DGKD: variants seen among roughly 807,000 people sequenced by gnomAD.
DGKD encodes diacylglycerol kinase delta, also known as DAG kinase delta.
A neutral mutation model predicts 154.4 loss-of-function variants in DGKD; 68 were observed. The observed-to-expected ratio is 0.44, with a 90% CI of 0.36 to 0.54. The LOEUF (loss-of-function observed/expected upper bound fraction) is 0.54, where lower values mean the gene tolerates loss of function less well. Ranked by LOEUF, DGKD falls within the 20% of genes least tolerant of loss-of-function variation. The pLI, the probability that DGKD is intolerant of heterozygous loss-of-function variation, is 0.00. For missense variants in DGKD, 1,343 were observed against 1,593.6 expected (o/e 0.84, Z 2.68); for synonymous variants, 693 against 638.0 (o/e 1.09, Z -1.30).
chr2:233,441,954 T>G lies in DGKD; in HGVS notation c.1153T>G (p.Trp385Gly). ...LVCGGDGSVG[W>G]VLSEIDSLNL... is the part of the protein sequence containing the mutation. The stretch of plus-strand genomic sequence containing the variant: ...TTGTGGCGGGGATGGAAGTGTTGGC[T>G]GGGTCCTCTCCGAAATCGACAGCCT... The change falls in exon 10 of 30, where the codon TGG becomes GGG. Residue 385 changes from tryptophan to glycine, a missense_variant. Transcript: ENST00000264057. The surrounding 1 kb of genome is among the most constrained non-coding windows in gnomAD (Gnocchi z 5.6). The G allele has an allele frequency of 6.2e-7, 1 of 1,614,192 alleles. No homozygotes were observed. Among genetic ancestry groups the G allele is most frequent in the Non-Finnish European group, 8.5e-7 (1 of 1,180,032 alleles).
intron 3 of DGKD, among the ~76,000 whole-genome samples, chr2:233,432,970 A>G (rs1046485464): frequency 1.3e-5 from 2 of 152,250 alleles, no homozygotes; most frequent in African/African-American, 2.4e-5. Flanking sequence ...TGTGGAGAAA[A>G]GGGAACCGTA....
At chr2:233,436,938 T>C (rs1469775698) in intron 7 of DGKD, among the ~76,000 whole-genome samples, 1 of 152,190 alleles carries the variant, frequency 6.6e-6, no homozygotes, top group Non-Finnish European at 1.5e-5. Context: ...GGAGCCTCCA[T>C]GTACTTGCTT....
intron 1 of DGKD, among the ~76,000 whole-genome samples, chr2:233,382,771 TC>T (rs139778707): frequency 0.015 from 2,287 of 152,330 alleles, 55 homozygotes; most frequent in African/African-American, 0.052. Flanking sequence ...ACTATATTTT[TC>T]CCTTTACCAT....
intron 3 of DGKD, among the ~76,000 whole-genome samples, chr2:233,400,162 T>TCAGAAG (rs2061523744): frequency 6.6e-6 from 1 of 152,206 alleles, no homozygotes. Flanking sequence ...GTGGCTGGTG[T>TCAGAAG]CAGAGTCTGT....
chr2:233,440,493 C>T lies in DGKD; in HGVS notation c.1086-1394C>T, dbSNP rs186298815. Among the ~76,000 whole-genome samples, 3 of 152,278 alleles carry T rather than the reference C, an allele frequency of 2.0e-5. No individual in the cohort carries two copies. Among genetic ancestry groups the T allele is most frequent in the East Asian group, 1.9e-4 (1 of 5,188 alleles). On this transcript the variant is annotated intron_variant, in intron 9 of 29. Coordinates refer to ENST00000264057, the MANE Select transcript of DGKD (RefSeq NM_152879.3). This position sits in a 1 kb window ranked among gnomAD's most constrained non-coding sequence, Gnocchi z 4.9. ...GGGTGACACAGCTTCTCTGGGAACCCGGTGGGGGCAGGGTCGCAAGTCAAA... is the reference window on the plus strand; with the variant it reads ...GGGTGACACAGCTTCTCTGGGAACCTGGTGGGGGCAGGGTCGCAAGTCAAA...
chr2:233,410,248 C>T (rs2061794335), intron 3 of DGKD, among the ~76,000 whole-genome samples: 1 of 151,902 alleles, frequency 6.6e-6, no homozygotes, highest in African/African-American at 2.4e-5. Context: ...GATTTTTTTT[C>T]TCTTTGAAGA....
chr2:233,410,923 T>G (rs2061813069), intron 3 of DGKD, among the ~76,000 whole-genome samples: 1 of 152,224 alleles, frequency 6.6e-6, no homozygotes, highest in Non-Finnish European at 1.5e-5. Flanking sequence ...TTTCTGTCAT[T>G]GTAGATTACT....
At chr2:233,454,377 G>A (rs767322479) in intron 18 of DGKD, 3 of 472,686 alleles carry the variant, frequency 6.3e-6, no homozygotes, top group Non-Finnish European at 1.3e-5. Flanking sequence ...CAGACACAGA[G>A]CCCACGACCG....
Position 233,447,478 on chromosome 2 carries a change from G to A in DGKD, c.1420-609G>A, listed in dbSNP as rs142220996. 200 of 985,196 alleles carry A rather than the reference G, an allele frequency of 2.0e-4. No individual in the cohort carries two copies. In the African/African-American group the frequency reaches 3.2e-3, roughly 16 times the overall value. The allele number at this position is 985,196 out of a possible 1,614,324, so 61.0% of individuals were successfully genotyped here. ...TGTGCCTGGGCCCACGGCCTTGCAA[G>A]CGAAGACTGGTTTGTACATTTTTTA... On this transcript the variant is annotated intron_variant, in intron 12 of 29. Transcript: ENST00000264057.
rs981406029 is a variant in DGKD, at chr2:233,458,946, C to T, written c.2694+549C>T. 7.9e-5 allele frequency among the ~76,000 whole-genome samples: 12 copies of T among 152,168 alleles called. No homozygotes were observed. The highest frequency in any genetic ancestry group is 2.9e-4 in the African/African-American group (12 of 41,434). ...TGCTTGAACCACAGCCTTGCCTGTC[C>T]CCTCTGAGGTGGGATGAGATAGAGC... On this transcript the variant is annotated intron_variant, in intron 22 of 29. Coordinates refer to ENST00000264057, the MANE Select transcript of DGKD (RefSeq NM_152879.3). The surrounding 1 kb of genome is among the most constrained non-coding windows in gnomAD (Gnocchi z 6.6).
At chr2:233,461,017 T>TAA (rs1207039845) in intron 24 of DGKD, among the ~76,000 whole-genome samples, 2 of 147,466 alleles carry the variant, frequency 1.4e-5, no homozygotes, top group African/African-American at 5.2e-5. Context: ...CAAGTTTACT[T>TAA]TAAAAAAAAA....
intron 28 of DGKD, among the ~76,000 whole-genome samples, chr2:233,467,652 C>T (rs185411597): frequency 5.3e-5 from 8 of 152,172 alleles, no homozygotes; most frequent in African/African-American, 1.7e-4. Context: ...TGAAATCAAT[C>T]GAATATGGTC....
At position 233,454,865 on chromosome 2, in the gene DGKD, G is replaced by A. The variant is rs781112999; in HGVS notation, c.2367G>A (p.Glu789=). Residue 789 remains glutamate, a synonymous_variant, in exon 19 of 30, where the codon GAG becomes GAA. Coordinates refer to ENST00000264057, the MANE Select transcript of DGKD (RefSeq NM_152879.3). ...DFNNKRDEHP[E]KCRSRTKNMM... ...ACAACAAGCGCGATGAGCACCCAGA[G>A]AAGTGCAGGTAGGTAACAGGCTCAG... 19 of 1,611,134 alleles carry A rather than the reference G, an allele frequency of 1.2e-5. No individual in the cohort carries two copies. Among genetic ancestry groups the A allele is most frequent in the Admixed American group, 1.7e-5 (1 of 60,014 alleles).
intron 3 of DGKD, among the ~76,000 whole-genome samples, chr2:233,423,504 T>C (rs1315062399): frequency 3.9e-5 from 6 of 152,148 alleles, no homozygotes; most frequent in Non-Finnish European, 8.8e-5. Flanking sequence ...TGGCTAAGGA[T>C]GTTGAGTATC....
intron 26 of DGKD, chr2:233,463,942 C>A: frequency 1.7e-6 from 1 of 571,612 alleles, no homozygotes; most frequent in Non-Finnish European, 3.1e-6. Flanking sequence ...TATGTGAATT[C>A]ATCGTTGACT....
intron 3 of DGKD, chr2:233,419,153 C>A: frequency 1.1e-6 from 1 of 921,798 alleles, no homozygotes; most frequent in Non-Finnish European, 1.3e-6. Flanking sequence ...TATTCTCGGC[C>A]ACCTTTCCAA....
Position 233,459,860 on chromosome 2 carries a change from A to G in DGKD, c.2798A>G (p.Lys933Arg). 1.2e-6 allele frequency: 2 copies of G among 1,614,076 alleles called. No individual in the cohort carries two copies. Among genetic ancestry groups the G allele is most frequent in the Non-Finnish European group, 1.7e-6 (2 of 1,179,982 alleles). The change falls in exon 23 of 30, where the codon AAG becomes AGG. Residue 933 changes from lysine (K) to arginine (R), a missense_variant. This residue lies in a region of DGKD where 429 missense variants were observed against 496.3 expected (regional missense o/e 0.86). Coordinates refer to ENST00000264057, the MANE Select transcript of DGKD (RefSeq NM_152879.3). This position sits in a 1 kb window ranked among gnomAD's most constrained non-coding sequence, Gnocchi z 5.7. ...CCAGGGTACATTCGGATTGTCCACAAGAACCGGGCACAGACACTGACCAGA... is the reference window on the plus strand; with the variant it reads ...CCAGGGTACATTCGGATTGTCCACAGGAACCGGGCACAGACACTGACCAGA... The part of the protein sequence containing the change: ...QPPGYIRIVH[K>R]NRAQTLTRDR...
intron 29 of DGKD, among the ~76,000 whole-genome samples, chr2:233,469,098 A>G (rs1447865258): frequency 6.6e-6 from 1 of 152,210 alleles, no homozygotes; most frequent in Non-Finnish European, 1.5e-5. Context: ...TCATGAGGTC[A>G]CTTGTCATCC....
rs143682023 is a variant in DGKD, at chr2:233,434,831, G to A, written c.516G>A (p.Ala172=). ...ACAATTGGTACGCCTGTTCCCACGC[G>A]AGGCCGACCTACTGCAATGTGTGCC... ...GMHNWYACSH[A]RPTYCNVCRE... The change falls in exon 5 of 30, where the codon GCG becomes GCA. Residue 172 remains alanine (A), a synonymous_variant. Coordinates refer to ENST00000264057, the MANE Select transcript of DGKD (RefSeq NM_152879.3). 4.8e-4 allele frequency: 776 copies of A among 1,614,064 alleles called. 6 individuals carry two copies. Among genetic ancestry groups the A allele is most frequent in the Middle Eastern group, 1.6e-4 (1 of 6,084 alleles).
Sources: gnomAD v4.1 joint callset for allele counts (sites outside exome capture counted in the v4.1 genomes callset) on GRCh38, gnomAD v4.1.1 for gene constraint, gnomAD v4.1.1 regional missense constraint, Gnocchi (gnomAD v3.1) non-coding constraint, MANE v1.5 for transcripts, NCBI Gene and HGNC (gene_info 2026-07-23, HGNC 2026-07-21) for gene names.